The following CFAP70 variants were observed in gnomAD, a reference collection of about 807,000 sequenced individuals.
CFAP70 encodes cilia and flagella associated protein 70.
CFAP70 carries 81 observed loss-of-function variants against 137.6 expected under a neutral mutation model. The observed-to-expected ratio is 0.59, with a 90% CI of 0.49 to 0.71. CFAP70 has a LOEUF of 0.71. CFAP70 is among the 30% of genes least tolerant of loss of function. The pLI is 0.00. For missense variants in CFAP70, 976 were observed against 1,226.7 expected (o/e 0.80, Z 3.05); for synonymous variants, 382 against 423.6 (o/e 0.90, Z 1.20).
At chr10:73,287,649 G>A (rs998649154) in intron 19 of CFAP70, among the ~76,000 whole-genome samples, 3 of 152,128 alleles carry the variant, frequency 2.0e-5, no homozygotes, top group Non-Finnish European at 2.9e-5. Flanking sequence ...AGGAAGCAAA[G>A]TATGAAAGAG....
At chr10:73,354,750 G>A in exon 2 of CFAP70, 1 of 1,613,932 alleles carries the variant, frequency 6.2e-7, no homozygotes, top group East Asian at 2.2e-5. Flanking sequence ...ATATCCCTCT[G>A]TCACGGTGAT....
intron 4 of CFAP70, among the ~76,000 whole-genome samples, chr10:73,345,774 T>C (rs2053645326): frequency 6.6e-6 from 1 of 151,906 alleles, no homozygotes; most frequent in South Asian, 2.1e-4. Flanking sequence ...TCTAGCCTGG[T>C]CAACAAGAGC....
intron 5 of CFAP70, among the ~76,000 whole-genome samples, chr10:73,343,684 G>T (rs964680437): frequency 3.3e-5 from 5 of 152,040 alleles, no homozygotes; most frequent in Non-Finnish European, 7.4e-5. Flanking sequence ...ACTCTAGCCT[G>T]GGCGACAGAG....
chr10:73,321,473 G>A (rs1001385367), intron 9 of CFAP70, among the ~76,000 whole-genome samples: 3 of 152,192 alleles, frequency 2.0e-5, no homozygotes, highest in Middle Eastern at 6.8e-3. Context: ...AGATACTGAT[G>A]TAGAAACAGT....
intron 25 of CFAP70, among the ~76,000 whole-genome samples, chr10:73,262,584 C>T (rs1352051394): frequency 6.6e-6 from 1 of 152,030 alleles, no homozygotes; most frequent in Non-Finnish European, 1.5e-5. Flanking sequence ...ATGAACTTAT[C>T]TTTTATCCAT....
At chr10:73,270,327 T>C (rs1178457171) in intron 24 of CFAP70, among the ~76,000 whole-genome samples, 2 of 152,150 alleles carry the variant, frequency 1.3e-5, no homozygotes, top group Non-Finnish European at 2.9e-5. Flanking sequence ...GTTTGCTTTG[T>C]TGCTTTGTAA....
At chr10:73,323,711 G>A (rs1454939120) in intron 8 of CFAP70, among the ~76,000 whole-genome samples, 1 of 152,244 alleles carries the variant, frequency 6.6e-6, no homozygotes, top group African/African-American at 2.4e-5. Context: ...TGCCCATGGA[G>A]TCTCACTCAT....
At chr10:73,344,683 C>T (rs984939691) in intron 5 of CFAP70, among the ~76,000 whole-genome samples, 2 of 152,162 alleles carry the variant, frequency 1.3e-5, no homozygotes, top group Non-Finnish European at 2.9e-5. Context: ...CCAATCATTC[C>T]TATACCTAGA....
intron 8 of CFAP70, among the ~76,000 whole-genome samples, chr10:73,330,131 T>A (rs537333101): frequency 6.6e-6 from 1 of 152,330 alleles, no homozygotes; most frequent in South Asian, 2.1e-4. Flanking sequence ...TCATCTATTA[T>A]AATAATAATT....
At chr10:73,299,156 TG>T in intron 13 of CFAP70, 55 bp from the exon 15 acceptor site, 2 of 1,326,704 alleles carry the variant, frequency 1.5e-6, no homozygotes, top group Non-Finnish European at 2.1e-6. Flanking sequence ...GAGCATGGAT[TG>T]GAAGTCTAAA....
chr10:73,337,642 C>A (rs901861888), intron 6 of CFAP70, among the ~76,000 whole-genome samples: 1 of 151,218 alleles, frequency 6.6e-6, no homozygotes, highest in Non-Finnish European at 1.5e-5. Context: ...CAGTGGTTCA[C>A]GCCTGTAATC....
At chr10:73,291,563 C>T in intron 18 of CFAP70, 77 bp downstream of exon 19, 4 of 1,482,396 alleles carry the variant, frequency 2.7e-6, no homozygotes, top group South Asian at 1.2e-5. Context: ...CATGATGAGC[C>T]ATTGAAGAAG....
chr10:73,277,428 C>T (rs1231693414), intron 20 of CFAP70, 67 bp from the exon 22 acceptor site: 2 of 1,568,244 alleles, frequency 1.3e-6, no homozygotes, highest in Non-Finnish European at 1.7e-6. Context: ...AATTCAGACA[C>T]ATTCGGGTGG....
intron 19 of CFAP70, among the ~76,000 whole-genome samples, chr10:73,281,563 G>A (rs1218522586): frequency 6.6e-6 from 1 of 152,044 alleles, no homozygotes; most frequent in Non-Finnish European, 1.5e-5. Flanking sequence ...AGCCTGGTTT[G>A]CTGATTTCCA....
At chr10:73,323,664 A>G (rs2051103656) in intron 8 of CFAP70, among the ~76,000 whole-genome samples, 1 of 152,246 alleles carries the variant, frequency 6.6e-6, no homozygotes, top group African/African-American at 2.4e-5. Context: ...ATGGCACACC[A>G]AGAGATTATA....
chr10:73,354,741 T>C, exon 2 of CFAP70: 3 of 1,613,994 alleles, frequency 1.9e-6, no homozygotes, highest in Non-Finnish European at 1.7e-6. Context: ...TACCAAATCA[T>C]ATCCCTCTGT....
At chr10:73,298,967 G>A (rs759339396) in exon 14 of CFAP70, 14 of 1,613,842 alleles carry the variant, frequency 8.7e-6, no homozygotes, top group Admixed American at 1.7e-5. Context: ...AGCTGAGCTG[G>A]CACTTCTGCT....
At chr10:73,331,187 T>C (rs530975997) in exon 8 of CFAP70, 1 of 1,610,572 alleles carries the variant, frequency 6.2e-7, no homozygotes, top group South Asian at 1.1e-5. Flanking sequence ...CTTTTCAGTT[T>C]TGCCAGCTTT....
chr10:73,293,499 G>C, intron 15 of CFAP70, 111 bp from the exon 17 acceptor site: 2 of 920,968 alleles, frequency 2.2e-6, no homozygotes, highest in Non-Finnish European at 3.1e-6. Context: ...AAATGTTACT[G>C]ATTGATGTCT....
Sources: allele counts gnomAD v4.1 joint callset (sites outside exome capture counted in the v4.1 genomes callset), GRCh38; gene constraint gnomAD v4.1.1; transcripts MANE v1.5; gene names NCBI Gene and HGNC (gene_info 2026-07-23, HGNC 2026-07-21).